The following SNW1 variants were observed in gnomAD, a reference collection of about 807,000 sequenced individuals.
SNW1 encodes the protein SNW domain containing 1.
A neutral mutation model predicts 75.6 loss-of-function variants in SNW1; 9 were observed. The ratio of observed to expected loss-of-function variants is 0.12; its 90% CI spans 0.07 to 0.21. The LOEUF (loss-of-function observed/expected upper bound fraction) is 0.21. Among genes scored for constraint, SNW1 ranks in the 10% least tolerant of loss-of-function variants. The pLI, the probability that SNW1 is intolerant of heterozygous loss-of-function variation, is 1.00. For missense variants in SNW1, 409 were observed against 670.9 expected, an observed-to-expected ratio of 0.61 and a Z score of 4.31; for synonymous variants, 200 against 219.1, an observed-to-expected ratio of 0.91 and a Z score of 0.77.
chr14:77,722,290 G>A (rs1430105278), intron 11 of SNW1, among the ~76,000 whole-genome samples: 2 of 151,030 alleles, frequency 1.3e-5, no homozygotes, highest in Admixed American at 6.6e-5. Flanking sequence ...TATTTAGTTT[G>A]TTCTATACGT....
chr14:77,733,421 T>C (rs1282663403), intron 8 of SNW1, among the ~76,000 whole-genome samples: 1 of 152,108 alleles, frequency 6.6e-6, no homozygotes, highest in Non-Finnish European at 1.5e-5. Flanking sequence ...AATGATCTGT[T>C]ATATTCTTAG....
At chr14:77,721,149 CATT>C (rs2139891425) in intron 11 of SNW1, 1 of 210,036 alleles carries the variant, frequency 4.8e-6, no homozygotes, top group African/African-American at 2.3e-5. Flanking sequence ...TATTTACTAT[CATT>C]ATATGATGGT....
At chr14:77,728,278 C>T (rs1464141036) in intron 10 of SNW1, among the ~76,000 whole-genome samples, 7 of 152,054 alleles carry the variant, frequency 4.6e-5, no homozygotes, top group Admixed American at 2.6e-4. Flanking sequence ...GGTAAAACCC[C>T]ATCTCTACTA....
At chr14:77,724,028 A>G (rs1414177586) in intron 10 of SNW1, among the ~76,000 whole-genome samples, 1 of 152,214 alleles carries the variant, frequency 6.6e-6, no homozygotes, top group African/African-American at 2.4e-5. Context: ...TTAATTTTTG[A>G]ATGTGAATTC....
chr14:77,738,407 G>A (rs563178517), intron 5 of SNW1, among the ~76,000 whole-genome samples: 4 of 152,188 alleles, frequency 2.6e-5, no homozygotes, highest in Admixed American at 2.6e-4. Context: ...CCAGGAGTTC[G>A]AAAACAGCCT....
chr14:77,720,662 G>A (rs1210774240), intron 12 of SNW1, 49 bp downstream of exon 12: 1 of 1,184,254 alleles, frequency 8.4e-7, no homozygotes, highest in South Asian at 1.2e-5. Flanking sequence ...TTTCCCTGAG[G>A]ATAGGTATTC....
chr14:77,756,152 G>A (rs754839220), intron 1 of SNW1, among the ~76,000 whole-genome samples: 1 of 151,038 alleles, frequency 6.6e-6, no homozygotes, highest in African/African-American at 2.4e-5. Context: ...ACAGAGTCTC[G>A]TTCTGTCGCC....
In SNW1 at chr14:77,720,810, A is replaced by G. The variant is rs764615981; in HGVS notation, c.1149T>C (p.Asn383=). ...TAACTTCACTGATATCCCGATTTTC[A>G]TTTCTCTGAAGTTTCGACCTATTTT... ...APDKRSKLQR[N]ENRDISEVIA... The change falls in exon 12 of 14, where the codon AAT becomes AAC. Residue 383 remains asparagine, a synonymous_variant. Transcript: ENST00000261531. 5.0e-6 allele frequency: 8 copies of G among 1,613,258 alleles called. No homozygotes were observed. Among genetic ancestry groups the G allele is most frequent in the East Asian group, 2.2e-5 (1 of 44,864 alleles).
At chr14:77,746,879 T>C (rs1033064843) in intron 3 of SNW1, among the ~76,000 whole-genome samples, 2 of 151,660 alleles carry the variant, frequency 1.3e-5, no homozygotes, top group African/African-American at 4.9e-5. Context: ...TAATAAAAAT[T>C]TGGAATTATA....
Position 77,718,543 on chromosome 14 carries a change from G to T in SNW1, c.1249-13C>A. Reference sequence around the variant, plus strand: ...CACTGTCCATACCCTGTGGAAAAATGGATGACATTAAATAAAAGTGTAAAC... The same window carrying T: ...CACTGTCCATACCCTGTGGAAAAATTGATGACATTAAATAAAAGTGTAAAC... On this transcript the variant is annotated splice_polypyrimidine_tract_variant and intron_variant, in intron 12 of 13. Transcript: ENST00000261531. The T allele has an allele frequency of 2.0e-6, 3 of 1,505,300 alleles. No individual in the cohort carries two copies. Among genetic ancestry groups the T allele is most frequent in the Non-Finnish European group, 1.8e-6 (2 of 1,099,484 alleles). The allele number at this position is 1,505,300 out of a possible 1,614,324, so 93.2% of individuals were successfully genotyped here. A position where few individuals can be genotyped will look rare whatever the true frequency, so the allele number is the denominator to read the frequency against.
chr14:77,757,919 C>CATCTATCTATCTATCT lies in SNW1; in HGVS notation c.15-2815_15-2800dup, dbSNP rs71128671. Among the ~76,000 whole-genome samples, 244 of 147,690 alleles carry CATCTATCTATCTATCT rather than the reference C, an allele frequency of 1.7e-3. 1 individual carries two copies. Among genetic ancestry groups the CATCTATCTATCTATCT allele is most frequent in the East Asian group, 3.4e-3 (17 of 5,068 alleles). The stretch of plus-strand genomic sequence containing the variant: ...CCTTCTGCCATCAAATCAATCTAAT[C>CATCTATCTATCTATCT]ATCTATCTATCTATCTATCTATCTA... On this transcript the variant is annotated intron_variant, in intron 1 of 13. Coordinates refer to ENST00000261531, the MANE Select transcript of SNW1 (RefSeq NM_012245.3).
intron 10 of SNW1, among the ~76,000 whole-genome samples, chr14:77,725,261 C>A (rs1455832648): frequency 1.3e-5 from 2 of 152,206 alleles, no homozygotes; most frequent in Admixed American, 6.5e-5. Flanking sequence ...GGATATTTTG[C>A]AACCATTTTC....
intron 5 of SNW1, 116 bp downstream of exon 5, chr14:77,738,662 T>A (rs1270872723): frequency 1.4e-6 from 1 of 711,692 alleles, no homozygotes; most frequent in African/African-American, 1.8e-5. Context: ...CTTTGAGTCA[T>A]TATTGAAAAC....
rs758052715 is a variant in SNW1, at chr14:77,760,776, A to G, written c.14+338T>C. 5.4e-5 allele frequency: 38 copies of G among 705,066 alleles called. No homozygotes were observed. The South Asian group carries it at 5.5e-4, about 10-fold the overall frequency. 43.7% of individuals were successfully genotyped at this position (705,066 alleles called of 1,614,324 possible). Reference sequence around the variant, plus strand: ...TCCGCCCAAATAAGCCACTACCGTCACCAACCCCATCTCGTTCGCCCGAGC... The same window carrying G: ...TCCGCCCAAATAAGCCACTACCGTCGCCAACCCCATCTCGTTCGCCCGAGC... On this transcript the variant is annotated intron_variant, in intron 1 of 13. Coordinates refer to ENST00000261531, the MANE Select transcript of SNW1 (RefSeq NM_012245.3).
intron 3 of SNW1, among the ~76,000 whole-genome samples, chr14:77,742,369 T>G (rs1439746162): frequency 6.6e-6 from 1 of 152,034 alleles, no homozygotes; most frequent in Non-Finnish European, 1.5e-5. Context: ...GAGAATTAAA[T>G]GTGCTGAGGA....
intron 1 of SNW1, among the ~76,000 whole-genome samples, chr14:77,760,083 G>A (rs989497140): frequency 2.6e-5 from 4 of 152,096 alleles, no homozygotes; most frequent in Non-Finnish European, 4.4e-5. Context: ...TGCACATTTT[G>A]TGTTCTGTAA....
At chr14:77,747,257 C>T (rs1484608828) in intron 3 of SNW1, among the ~76,000 whole-genome samples, 3 of 152,138 alleles carry the variant, frequency 2.0e-5, no homozygotes, top group South Asian at 2.1e-4. Context: ...GGCGTGATCT[C>T]GGCTCGCTAC....
intron 1 of SNW1, among the ~76,000 whole-genome samples, chr14:77,758,021 T>TTG (rs1333994775): frequency 8.0e-4 from 66 of 82,382 alleles, no homozygotes; most frequent in South Asian, 2.2e-3. Flanking sequence ...TATCTATCTA[T>TTG]CTATTGCAAT....
intron 3 of SNW1, among the ~76,000 whole-genome samples, chr14:77,739,477 C>T (rs1301758043): frequency 6.6e-6 from 1 of 152,072 alleles, no homozygotes; most frequent in African/African-American, 2.4e-5. Context: ...ATTCACTGGG[C>T]CTGAAAAATT....
Sources: gnomAD v4.1 joint callset for allele counts (sites outside exome capture counted in the v4.1 genomes callset) on GRCh38, gnomAD v4.1.1 for gene constraint, MANE v1.5 for transcripts, NCBI Gene and HGNC (gene_info 2026-07-23, HGNC 2026-07-21) for gene names.